Variants in LPCAT2 observed in about 807,000 individuals in gnomAD.
The protein encoded by LPCAT2 is 1-AGP acyltransferase 11.
LPCAT2 carries 58 observed loss-of-function variants against 64.7 expected under a neutral mutation model. That is an observed-to-expected ratio of 0.90 (90% CI 0.73 to 1.12). LPCAT2 has a LOEUF of 1.12. Among genes scored for constraint, LPCAT2 ranks in the 50% most tolerant of loss-of-function variants. The pLI, the probability that LPCAT2 is intolerant of heterozygous loss-of-function variation, is 0.00. For synonymous variants in LPCAT2, 252 were observed against 245.3 expected (o/e 1.03, Z -0.26); for missense variants, 579 against 669.8 (o/e 0.86, Z 1.50).
Position 55,563,097 on chromosome 16 carries a change from C to T in LPCAT2, c.1216-11534C>T, listed in dbSNP as rs150303528. ...TAAAAAGGATGATGAGTGAGTACTACGAACAACTGTATGCCAACAGATTGC... is the reference window on the plus strand; with the variant it reads ...TAAAAAGGATGATGAGTGAGTACTATGAACAACTGTATGCCAACAGATTGC... On this transcript the variant is annotated intron_variant, in intron 11 of 13. Coordinates refer to ENST00000262134, the MANE Select transcript of LPCAT2 (RefSeq NM_017839.5). 2.4e-3 allele frequency among the ~76,000 whole-genome samples: 358 copies of T among 151,910 alleles called. 4 individuals are homozygous for T. Among genetic ancestry groups the T allele is most frequent in the African/African-American group, 7.9e-3 (327 of 41,504 alleles).
chr16:55,519,151 A>G (rs556881364), intron 1 of LPCAT2, among the ~76,000 whole-genome samples: 1 of 152,262 alleles, frequency 6.6e-6, no homozygotes, highest in Non-Finnish European at 1.5e-5. Context: ...TGAAGGGAAA[A>G]TGAAGACATT....
chr16:55,517,400 C>T (rs115958582), intron 1 of LPCAT2, among the ~76,000 whole-genome samples: 2,400 of 152,076 alleles, frequency 0.016, 59 homozygotes, highest in African/African-American at 0.051. Context: ...CACTGGTGAA[C>T]GCTACCAAAG....
Position 55,549,412 on chromosome 16 carries a change from T to C in LPCAT2, c.1061+10T>C. 6.3e-7 allele frequency: 1 copy of C among 1,580,520 alleles called. No individual in the cohort carries two copies. The highest frequency in any genetic ancestry group is 8.5e-7 in the Non-Finnish European group (1 of 1,170,024). On this transcript the variant is annotated intron_variant, in intron 10 of 13. Coordinates refer to ENST00000262134, the MANE Select transcript of LPCAT2 (RefSeq NM_017839.5). The stretch of plus-strand genomic sequence containing the variant: ...TTAGCCGAAAATTGAAGTAAGTGTA[T>C]TTTAAAATGACTACACTTTCATAAA...
intron 8 of LPCAT2, among the ~76,000 whole-genome samples, chr16:55,543,800 A>G (rs1202987657): frequency 6.6e-6 from 1 of 152,246 alleles, no homozygotes; most frequent in East Asian, 1.9e-4. Context: ...ACTGAGGCTC[A>G]TAAAGGCTAA....
chr16:55,528,460 T>C lies in LPCAT2; in HGVS notation c.395T>C (p.Ile132Thr). Residue 132 changes from isoleucine to threonine, a missense_variant, in exon 3 of 14, where the codon ATT (isoleucine) becomes ACT (threonine). Ile to Thr is a moderately conservative substitution (Grantham distance 89). Transcript: ENST00000262134. ...TTTATAGTTGCTGTAAAAGGAAAGA[T>C]TGCAAGTCCTTTGGAAGCACCAGTT... Reference protein sequence around the residue: ...MGFIVAVKGKIASPLEAPVFV... With the variant: ...MGFIVAVKGKTASPLEAPVFV... 2 of 1,614,064 alleles carry C rather than the reference T, an allele frequency of 1.2e-6. No homozygotes were observed. Among genetic ancestry groups the C allele is most frequent in the Non-Finnish European group, 8.5e-7 (1 of 1,179,958 alleles).
At chr16:55,570,135 ATC>A (rs1246208049) in intron 11 of LPCAT2, among the ~76,000 whole-genome samples, 1 of 152,208 alleles carries the variant, frequency 6.6e-6, no homozygotes, top group Non-Finnish European at 1.5e-5. Flanking sequence ...AAGTAACTTT[ATC>A]TTGATATAAT....
intron 5 of LPCAT2, 90 bp from the exon 6 acceptor site, chr16:55,532,734 C>G: frequency 1.3e-6 from 1 of 790,114 alleles, no homozygotes; most frequent in East Asian, 2.9e-5. Context: ...TTAAAATATT[C>G]AGTCTATTTA....
intron 1 of LPCAT2, 95 bp downstream of exon 1, chr16:55,509,447 G>A: frequency 2.5e-6 from 3 of 1,191,714 alleles, no homozygotes; most frequent in African/African-American, 1.6e-5. Context: ...AGAGGAGGGC[G>A]GCCGAGGGGG....
In LPCAT2 at chr16:55,529,874, T is replaced by G; in HGVS notation, c.569T>G (p.Val190Gly). 1.2e-6 allele frequency: 2 copies of G among 1,612,578 alleles called. No homozygotes were observed. The highest frequency in any genetic ancestry group is 1.7e-6 in the Non-Finnish European group (2 of 1,179,414). Residue 190 changes from valine (V) to glycine (G), a missense_variant, in exon 4 of 14, where the codon GTA (valine) becomes GGA (glycine). Val to Gly is a moderately radical substitution (Grantham distance 109, BLOSUM62 -3). Coordinates refer to ENST00000262134, the MANE Select transcript of LPCAT2 (RefSeq NM_017839.5). Reference protein sequence around the residue: ...RAVQPVLVSRVDPDSRKNTIN... With the variant: ...RAVQPVLVSRGDPDSRKNTIN... ...GTGCAACCAGTTTTGGTGTCCCGTG[T>G]AGATCCGGATTCCCGAAAAAACACA... is the stretch of plus-strand genomic sequence containing the variant.
chr16:55,525,480 A>G (rs1405421242), intron 1 of LPCAT2, 28 bp from the exon 2 acceptor site: 1 of 1,589,576 alleles, frequency 6.3e-7, no homozygotes. Flanking sequence ...ATGTCCATTC[A>G]TTTATTTTTA....
intron 11 of LPCAT2, among the ~76,000 whole-genome samples, chr16:55,573,685 CTCTT>C (rs1467598635): frequency 1.3e-5 from 2 of 152,042 alleles, no homozygotes; most frequent in Non-Finnish European, 2.9e-5. Flanking sequence ...CTTACAGTTT[CTCTT>C]TCTTTCTCCC....
At chr16:55,523,400 T>C (rs1326246054) in intron 1 of LPCAT2, among the ~76,000 whole-genome samples, 1 of 151,748 alleles carries the variant, frequency 6.6e-6, no homozygotes, top group East Asian at 1.9e-4. Flanking sequence ...TTTATAGTAT[T>C]ATACAAAGTT....
rs1374828661 is a variant in LPCAT2, at chr16:55,566,624, T to A, written c.1216-8007T>A. ...CTTCAGTAGGATGTGAAACATCACA[T>A]CATGGGGCGTGGTGCAGTGTAAGCA... On this transcript the variant is annotated intron_variant, in intron 11 of 13. Transcript: ENST00000262134. The A allele has an allele frequency of 5.5e-6, 5 of 914,750 alleles. No homozygotes were observed. In the African/African-American group the frequency reaches 8.4e-5, roughly 15 times the overall value. The allele number at this position is 914,750 out of a possible 1,614,324, so 56.7% of individuals were successfully genotyped here. A position where few individuals can be genotyped will look rare whatever the true frequency, so the allele number is the denominator to read the frequency against.
intron 4 of LPCAT2, 68 bp downstream of exon 4, chr16:55,530,015 C>T: frequency 8.8e-7 from 1 of 1,131,404 alleles, no homozygotes; most frequent in Non-Finnish European, 1.3e-6. Context: ...TAGACTTACT[C>T]ATTTGGATCC....
chr16:55,560,947 T>A (rs1032499112), intron 11 of LPCAT2, among the ~76,000 whole-genome samples: 2 of 152,058 alleles, frequency 1.3e-5, no homozygotes, highest in Non-Finnish European at 2.9e-5. Flanking sequence ...CCCAGTATGA[T>A]TTTTTATGTC....
At chr16:55,558,815 A>G (rs1237953854) in intron 11 of LPCAT2, among the ~76,000 whole-genome samples, 1 of 152,188 alleles carries the variant, frequency 6.6e-6, no homozygotes, top group Non-Finnish European at 1.5e-5. Flanking sequence ...CACCAGCTGT[A>G]GTTCGCTGGT....
intron 11 of LPCAT2, among the ~76,000 whole-genome samples, chr16:55,564,266 T>A (rs1257586996): frequency 4.6e-5 from 7 of 151,938 alleles, no homozygotes; most frequent in Admixed American, 4.6e-4. Context: ...TAAGAGTCAG[T>A]ACTTCCCACA....
In LPCAT2 at chr16:55,529,955, A is replaced by G. The variant is rs1963230515; in HGVS notation, c.642+8A>G. The G allele has an allele frequency of 1.3e-6, 2 of 1,583,426 alleles. No homozygotes were observed. Among genetic ancestry groups the G allele is most frequent in the East Asian group, 2.2e-5 (1 of 44,660 alleles). Reference sequence around the variant, plus strand: ...GGAGGAGAATGGCCCCAGGTAAAACATGGTAGATGTTAATTTAAATATAGT... The same window carrying G: ...GGAGGAGAATGGCCCCAGGTAAAACGTGGTAGATGTTAATTTAAATATAGT... On this transcript the variant is annotated splice_region_variant and intron_variant, in intron 4 of 13. Transcript: ENST00000262134.
rs1217069745 is a variant in LPCAT2 at position 55,574,660 on chromosome 16, G to A, written c.1245G>A (p.Glu415=). The A allele has an allele frequency of 1.9e-6, 3 of 1,613,388 alleles. No homozygotes were observed. The highest frequency in any genetic ancestry group is 2.2e-5 in the East Asian group (1 of 44,860). The change falls in exon 12 of 14, where the codon GAG becomes GAA. Residue 415 remains glutamate, a synonymous_variant. Transcript: ENST00000262134. ...RNHDGSIDFR[E]YVIGLAVLCN... is the part of the protein sequence containing the mutation. The stretch of plus-strand genomic sequence containing the variant: ...ATGATGGCAGCATTGACTTCCGAGA[G>A]TATGTGATTGGCCTGGCTGTCTTGT...
Sources: gnomAD v4.1 joint callset for allele counts (sites outside exome capture counted in the v4.1 genomes callset) on GRCh38, gnomAD v4.1.1 for gene constraint, MANE v1.5 for transcripts, NCBI Gene and HGNC (gene_info 2026-07-23, HGNC 2026-07-21) for gene names.